The following AGBL4 variants were observed in gnomAD, a reference collection of about 807,000 sequenced individuals.
AGBL4 encodes the protein cytosolic carboxypeptidase 6.
AGBL4 carries 58 observed loss-of-function variants against 66.4 expected under a neutral mutation model. The observed-to-expected ratio is 0.87, with a 90% CI of 0.71 to 1.09. AGBL4 has a LOEUF of 1.09. Ranked by LOEUF, AGBL4 falls within the 50% of genes least tolerant of loss-of-function variation. AGBL4 has a pLI of 0.00. For missense variants in AGBL4, 579 were observed against 631.0 expected (o/e 0.92, Z 0.88); for synonymous variants, 234 against 222.9 (o/e 1.05, Z -0.44).
chr1:49,012,952 G>A (rs1229921638), intron 5 of AGBL4, among the ~76,000 whole-genome samples: 1 of 152,182 alleles, frequency 6.6e-6, no homozygotes, highest in Non-Finnish European at 1.5e-5. Context: ...TATCATGAGA[G>A]TGGATCTGTT....
intron 11 of AGBL4, among the ~76,000 whole-genome samples, chr1:48,572,922 G>T (rs1404283687): frequency 6.6e-6 from 1 of 152,224 alleles, no homozygotes; most frequent in African/African-American, 2.4e-5. Flanking sequence ...AGGAGCTGGA[G>T]AGAGTCCAGA....
At chr1:49,414,528 G>C (rs994484675) in intron 3 of AGBL4, among the ~76,000 whole-genome samples, 4 of 152,136 alleles carry the variant, frequency 2.6e-5, no homozygotes, top group Non-Finnish European at 5.9e-5. Context: ...TACTACATCT[G>C]TCAATGGTTA....
intron 2 of AGBL4, chr1:49,846,068 A>T (rs1045417262): frequency 6.3e-7 from 1 of 1,578,260 alleles, no homozygotes; most frequent in Non-Finnish European, 8.7e-7. Flanking sequence ...GAGGATCCAC[A>T]CAGGAGAGAA....
Position 48,759,131 on chromosome 1 carries a change from T to C in AGBL4, c.635-95890A>G, listed in dbSNP as rs138896175. Reference sequence around the variant, plus strand: ...CGGGGCACCACAGCATCTTCTAGACTGTCCATGTCCTCTGTGCCTGGCGAG... The same window carrying C: ...CGGGGCACCACAGCATCTTCTAGACCGTCCATGTCCTCTGTGCCTGGCGAG... On this transcript the variant is annotated intron_variant, in intron 6 of 13. Coordinates refer to ENST00000371839, the MANE Select transcript of AGBL4 (RefSeq NM_032785.4). The C allele has an allele frequency of 1.3e-4, 205 of 1,613,792 alleles. 2 individuals are homozygous for C. In the Middle Eastern group the frequency reaches 1.5e-3, roughly 12 times the overall value.
At chr1:48,851,140 T>C (rs1184497767) in intron 6 of AGBL4, among the ~76,000 whole-genome samples, 1 of 152,184 alleles carries the variant, frequency 6.6e-6, no homozygotes, top group East Asian at 1.9e-4. Context: ...TAAAACACTT[T>C]TTGATATTTG....
chr1:49,739,582 C>A (rs1163257695), intron 2 of AGBL4, among the ~76,000 whole-genome samples: 2 of 152,164 alleles, frequency 1.3e-5, no homozygotes, highest in Non-Finnish European at 2.9e-5. Flanking sequence ...TCAAGAAGAG[C>A]AACTCCAAGA....
At chr1:48,544,982 A>G (rs1443156748) in intron 11 of AGBL4, among the ~76,000 whole-genome samples, 1 of 152,222 alleles carries the variant, frequency 6.6e-6, no homozygotes, top group African/African-American at 2.4e-5. Context: ...GTGACCTTGC[A>G]TGAGCCATTT....
At chr1:48,927,075 G>C (rs1018922276) in intron 5 of AGBL4, among the ~76,000 whole-genome samples, 1 of 152,068 alleles carries the variant, frequency 6.6e-6, no homozygotes, top group East Asian at 1.9e-4. Flanking sequence ...TCTTAGAACA[G>C]TAGAAACCCC....
At chr1:49,406,000 T>A (rs1379718103) in intron 3 of AGBL4, among the ~76,000 whole-genome samples, 1 of 152,238 alleles carries the variant, frequency 6.6e-6, no homozygotes, top group Non-Finnish European at 1.5e-5. Context: ...TAATTAGCCC[T>A]TACAACAACC....
intron 2 of AGBL4, among the ~76,000 whole-genome samples, chr1:49,761,350 A>T (rs1652298540): frequency 6.6e-6 from 1 of 152,186 alleles, no homozygotes; most frequent in Non-Finnish European, 1.5e-5. Context: ...CAATCTTAAA[A>T]ATCACAGAAT....
At chr1:49,020,225 T>A (rs1663141883) in intron 5 of AGBL4, among the ~76,000 whole-genome samples, 2 of 152,182 alleles carry the variant, frequency 1.3e-5, no homozygotes, top group South Asian at 4.1e-4. Context: ...TCAACAAAAC[T>A]AATAGCATTA....
chr1:49,019,244 T>G (rs561737267), intron 5 of AGBL4, among the ~76,000 whole-genome samples: 81 of 152,232 alleles, frequency 5.3e-4, no homozygotes, highest in Admixed American at 2.7e-3. Context: ...GAAGGAAAAT[T>G]CTGTCCTGAA....
At chr1:49,844,551 A>G (rs534883747) in intron 2 of AGBL4, 15 of 706,126 alleles carry the variant, frequency 2.1e-5, no homozygotes, top group Middle Eastern at 5.2e-4. Flanking sequence ...TTGCAAAACT[A>G]TATTTTTAAA....
chr1:48,771,973 T>C (rs1644858969), intron 6 of AGBL4, among the ~76,000 whole-genome samples: 2 of 152,256 alleles, frequency 1.3e-5, no homozygotes, highest in African/African-American at 4.8e-5. Context: ...GGCAGGTTTC[T>C]GTTCTGAAAA....
At chr1:49,293,391 A>C (rs908258406) in intron 3 of AGBL4, among the ~76,000 whole-genome samples, 1 of 152,232 alleles carries the variant, frequency 6.6e-6, no homozygotes, top group African/African-American at 2.4e-5. Context: ...AGCAAAACTC[A>C]GGCAAAGGTG....
intron 3 of AGBL4, among the ~76,000 whole-genome samples, chr1:49,624,793 G>A (rs977518377): frequency 4.5e-4 from 69 of 152,246 alleles, no homozygotes; most frequent in African/African-American, 1.7e-3. Context: ...AGAAATACAC[G>A]CATCTAGACC....
At chr1:48,898,335 T>C (rs1271005374) in intron 5 of AGBL4, among the ~76,000 whole-genome samples, 1 of 152,234 alleles carries the variant, frequency 6.6e-6, no homozygotes, top group East Asian at 1.9e-4. Flanking sequence ...GTTTTTGCTT[T>C]GTTGTCTGTG....
chr1:49,130,257 G>A (rs1645861644), intron 4 of AGBL4, among the ~76,000 whole-genome samples: 1 of 152,032 alleles, frequency 6.6e-6, no homozygotes, highest in Non-Finnish European at 1.5e-5. Context: ...CTCCCATTTT[G>A]TAGGTTGCCT....
At chr1:49,671,765 A>G (rs189709007) in intron 3 of AGBL4, among the ~76,000 whole-genome samples, 1 of 152,338 alleles carries the variant, frequency 6.6e-6, no homozygotes, top group East Asian at 1.9e-4. Flanking sequence ...AGAGAAATGC[A>G]AATCAAAACC....
Sources: gnomAD v4.1 joint callset for allele counts (sites outside exome capture counted in the v4.1 genomes callset) on GRCh38, gnomAD v4.1.1 for gene constraint, MANE v1.5 for transcripts, NCBI Gene and HGNC (gene_info 2026-07-23, HGNC 2026-07-21) for gene names.